The following AGMO variants were observed in gnomAD, a reference collection of about 807,000 sequenced individuals.
The protein encoded by AGMO is glyceryl-ether monooxygenase.
Under a neutral mutation model 60.2 loss-of-function variants are expected in AGMO, and 75 were observed. The ratio of observed to expected loss-of-function variants is 1.25; its 90% CI spans 1.03 to 1.51. The LOEUF (loss-of-function observed/expected upper bound fraction) is 1.51. Ranked by LOEUF, AGMO falls within the 40% of genes most tolerant of loss-of-function variation. The pLI is 0.00. For synonymous variants in AGMO, 261 were observed against 177.1 expected, an observed-to-expected ratio of 1.47 and a Z score of -3.76; for missense variants, 763 against 525.5, an observed-to-expected ratio of 1.45 and a Z score of -4.42.
chr7:15,443,546 T>G (rs563843245), intron 3 of AGMO, among the ~76,000 whole-genome samples: 1 of 152,348 alleles, frequency 6.6e-6, no homozygotes, highest in South Asian at 2.1e-4. Context: ...TTTGCTGTTC[T>G]ATAACTACTT....
intron 5 of AGMO, among the ~76,000 whole-genome samples, chr7:15,399,808 T>C (rs1030732297): frequency 8.5e-5 from 13 of 152,186 alleles, no homozygotes; most frequent in African/African-American, 2.4e-5. Flanking sequence ...AAAGACTCCT[T>C]GTAATGAACC....
At chr7:15,168,931 T>A in the AGMO span, among the ~76,000 whole-genome samples, 1 of 152,172 alleles carries the variant, frequency 6.6e-6, no homozygotes, top group Non-Finnish European at 1.5e-5. Context: ...TTGGAAGTCA[T>A]TTAGAATGAA....
At chr7:15,533,682 C>A (rs1784421072) in intron 3 of AGMO, among the ~76,000 whole-genome samples, 1 of 152,144 alleles carries the variant, frequency 6.6e-6, no homozygotes, top group East Asian at 1.9e-4. Flanking sequence ...CACTATATTC[C>A]TATATTTCTA....
At chr7:15,519,656 G>A (rs980352544) in intron 3 of AGMO, among the ~76,000 whole-genome samples, 8 of 152,080 alleles carry the variant, frequency 5.3e-5, no homozygotes, top group Non-Finnish European at 5.9e-5. Flanking sequence ...CCTGAAGGAA[G>A]CACTAAATAT....
At chr7:15,452,613 G>C (rs372605234) in intron 3 of AGMO, among the ~76,000 whole-genome samples, 5 of 152,192 alleles carry the variant, frequency 3.3e-5, no homozygotes, top group Non-Finnish European at 5.9e-5. Context: ...GGAGAAGTTA[G>C]AACACTGAAA....
intron 8 of AGMO, among the ~76,000 whole-genome samples, chr7:15,389,795 A>G (rs1483434219): frequency 1.3e-5 from 2 of 152,174 alleles, no homozygotes; most frequent in Non-Finnish European, 2.9e-5. Context: ...ACTACTTTAT[A>G]AGGTTTTAGT....
At chr7:15,502,353 G>C (rs1026027065) in intron 3 of AGMO, among the ~76,000 whole-genome samples, 2 of 151,786 alleles carry the variant, frequency 1.3e-5, no homozygotes, top group Non-Finnish European at 2.9e-5. Context: ...ATGGGTGAAT[G>C]CAAGAGGCAG....
At chr7:15,345,973 C>G (rs1187015020) in intron 12 of AGMO, among the ~76,000 whole-genome samples, 5 of 152,002 alleles carry the variant, frequency 3.3e-5, no homozygotes, top group Non-Finnish European at 7.4e-5. Context: ...TATATTAACT[C>G]TTATTAAAAA....
intron 3 of AGMO, among the ~76,000 whole-genome samples, chr7:15,505,873 C>T (rs1012741065): frequency 5.3e-5 from 8 of 151,944 alleles, no homozygotes; most frequent in Non-Finnish European, 1.0e-4. Flanking sequence ...TCAGATGAGT[C>T]TTCTGATGAC....
At chr7:15,224,941 A>G (rs1007480268) in intron 12 of AGMO, among the ~76,000 whole-genome samples, 1 of 152,000 alleles carries the variant, frequency 6.6e-6, no homozygotes, top group African/African-American at 2.4e-5. Flanking sequence ...AAAAATACGC[A>G]TTTTGATTGT....
At chr7:15,545,932 G>A (rs1583671622) in intron 2 of AGMO, among the ~76,000 whole-genome samples, 1 of 151,924 alleles carries the variant, frequency 6.6e-6, no homozygotes, top group Non-Finnish European at 1.5e-5. Context: ...TCATCAACAA[G>A]TTTGGTGCTG....
At chr7:15,292,834 T>G (rs1379557158) in intron 12 of AGMO, among the ~76,000 whole-genome samples, 1 of 140,520 alleles carries the variant, frequency 7.1e-6, no homozygotes, top group Non-Finnish European at 1.5e-5. Flanking sequence ...CTCGGCTCAC[T>G]GCAACCTCCG....
At chr7:15,393,035 A>G (rs561411907) in intron 6 of AGMO, among the ~76,000 whole-genome samples, 1 of 152,350 alleles carries the variant, frequency 6.6e-6, no homozygotes, top group Non-Finnish European at 1.5e-5. Flanking sequence ...TCAAGGTATG[A>G]TTTCTACTGA....
intron 12 of AGMO, among the ~76,000 whole-genome samples, chr7:15,204,628 T>G (rs943721242): frequency 4.6e-5 from 7 of 152,306 alleles, no homozygotes; most frequent in African/African-American, 1.7e-4. Flanking sequence ...GCCGTCCTTG[T>G]GCTAACACAT....
At chr7:15,547,536 G>C (rs1000769484) in intron 2 of AGMO, among the ~76,000 whole-genome samples, 4 of 151,962 alleles carry the variant, frequency 2.6e-5, no homozygotes, top group Non-Finnish European at 5.9e-5. Context: ...TTCCCTTTCC[G>C]AGTCAAAGAA....
At chr7:15,390,093 C>T (rs536103624) in intron 8 of AGMO, among the ~76,000 whole-genome samples, 1 of 152,238 alleles carries the variant, frequency 6.6e-6, no homozygotes, top group African/African-American at 2.4e-5. Flanking sequence ...TCTGACGGAT[C>T]AGAGCTTCAC....
At chr7:15,204,259 G>A (rs1027074043) in intron 12 of AGMO, among the ~76,000 whole-genome samples, 15 of 151,976 alleles carry the variant, frequency 9.9e-5, no homozygotes, top group Middle Eastern at 3.2e-3. Context: ...CCTGATTACC[G>A]TAGTCACTCC....
chr7:15,161,049 A>C, the AGMO span, among the ~76,000 whole-genome samples: 1 of 152,190 alleles, frequency 6.6e-6, no homozygotes, highest in African/African-American at 2.4e-5. Context: ...CACTTGCACA[A>C]TAATGAACCC....
chr7:15,332,113 A>T (rs1172085771), intron 12 of AGMO, among the ~76,000 whole-genome samples: 1 of 152,126 alleles, frequency 6.6e-6, no homozygotes, highest in Non-Finnish European at 1.5e-5. Flanking sequence ...AAGGATACAC[A>T]CTAGACAGGA....
Sources: gnomAD v4.1 joint callset for allele counts (sites outside exome capture counted in the v4.1 genomes callset) on GRCh38, gnomAD v4.1.1 for gene constraint, MANE v1.5 for transcripts, NCBI Gene and HGNC (gene_info 2026-07-23, HGNC 2026-07-21) for gene names.